The following WWOX variants were observed in gnomAD, a reference collection of about 807,000 sequenced individuals.
The protein encoded by WWOX is WW domain containing oxidoreductase, also known as WW domain-containing oxidoreductase.
In WWOX, 69 loss-of-function variants were observed where a neutral mutation model predicts 46.2. That is an observed-to-expected ratio of 1.49 (90% CI 1.23 to 1.82). WWOX has a LOEUF of 1.82. WWOX is among the 40% of genes most tolerant of loss of function. The probability of loss-of-function intolerance (pLI) is 0.00; values close to 1 mark genes in which losing one functional copy is unlikely to be tolerated. For synonymous variants in WWOX, 359 were observed against 202.6 expected (o/e 1.77, Z -6.56); for missense variants, 919 against 542.6 (o/e 1.69, Z -6.89).
chr16:79,019,064 A>C (rs1234236266), intron 8 of WWOX, among the ~76,000 whole-genome samples: 2 of 145,680 alleles, frequency 1.4e-5, no homozygotes, highest in African/African-American at 5.0e-5. Context: ...AGCTGAGGTA[A>C]GGAGGATCGC....
intron 8 of WWOX, among the ~76,000 whole-genome samples, chr16:78,884,895 A>T (rs71398112): frequency 6.6e-6 from 1 of 152,354 alleles, no homozygotes; most frequent in African/African-American, 2.4e-5. Context: ...AATATAAAGC[A>T]CAATCAATGC....
intron 4 of WWOX, among the ~76,000 whole-genome samples, chr16:78,121,281 C>G (rs1477629814): frequency 6.6e-6 from 1 of 152,164 alleles, no homozygotes; most frequent in Admixed American, 6.5e-5. Flanking sequence ...CTACTATTAT[C>G]TTATGCTAAA....
chr16:78,103,535 G>C (rs1454436686), intron 1 of WWOX, among the ~76,000 whole-genome samples: 2 of 152,058 alleles, frequency 1.3e-5, no homozygotes, highest in South Asian at 2.1e-4. Flanking sequence ...TTCTTTGGGT[G>C]TTAGCTTAGG....
At chr16:78,373,195 C>G (rs1020684935) in intron 5 of WWOX, among the ~76,000 whole-genome samples, 1 of 152,136 alleles carries the variant, frequency 6.6e-6, no homozygotes, top group African/African-American at 2.4e-5. Context: ...GAGCTTCAGA[C>G]TCAATAGGTA....
At chr16:78,685,581 G>A (rs555255993) in intron 8 of WWOX, among the ~76,000 whole-genome samples, 11 of 152,354 alleles carry the variant, frequency 7.2e-5, no homozygotes, top group South Asian at 6.2e-4. Context: ...CAATCTGCCA[G>A]CAGTACGTAC....
intron 5 of WWOX, chr16:78,167,857 C>T (rs1042055566): frequency 6.6e-6 from 1 of 152,146 alleles, no homozygotes; most frequent in African/African-American, 2.4e-5. Context: ...GTCTACTTCC[C>T]TTCAGGTCCT....
intron 8 of WWOX, among the ~76,000 whole-genome samples, chr16:78,479,015 T>C (rs1012934071): frequency 3.3e-5 from 5 of 152,218 alleles, no homozygotes; most frequent in Non-Finnish European, 7.3e-5. Flanking sequence ...CATATTGCCA[T>C]GACTGTAGGA....
At chr16:78,663,254 G>A (rs1257107282) in intron 8 of WWOX, among the ~76,000 whole-genome samples, 1 of 152,066 alleles carries the variant, frequency 6.6e-6, no homozygotes, top group East Asian at 1.9e-4. Context: ...CATACAATAC[G>A]TGGCCAACTG....
At chr16:78,931,618 A>C (rs2151281927) in intron 8 of WWOX, among the ~76,000 whole-genome samples, 1 of 152,226 alleles carries the variant, frequency 6.6e-6, no homozygotes, top group East Asian at 1.9e-4. Flanking sequence ...ATATAAAAGT[A>C]ATTAGGTAAA....
intron 8 of WWOX, among the ~76,000 whole-genome samples, chr16:78,911,990 C>T (rs1051605197): frequency 3.9e-5 from 6 of 152,036 alleles, no homozygotes. Flanking sequence ...GTCTGTGAAC[C>T]TTACCCAGAA....
chr16:78,910,720 C>T (rs1026933854), intron 8 of WWOX, among the ~76,000 whole-genome samples: 2 of 151,846 alleles, frequency 1.3e-5, no homozygotes, highest in South Asian at 4.1e-4. Context: ...TGCAGGGGAA[C>T]TCCCCTTTAT....
chr16:78,637,111 G>A (rs1417880393), intron 8 of WWOX, among the ~76,000 whole-genome samples: 1 of 152,260 alleles, frequency 6.6e-6, no homozygotes, highest in South Asian at 2.1e-4. Flanking sequence ...CCATCACACT[G>A]CCTGCATTTT....
Position 79,032,933 on chromosome 16 carries a change from T to C in WWOX, c.1057-178675T>C, listed in dbSNP as rs969394477. Reference sequence around the variant, plus strand: ...CTCCCTCCTGCCACCCTCCACCCTTTGGTAGGCCCCAGTGTCTTTTGTTCC... The same window carrying C: ...CTCCCTCCTGCCACCCTCCACCCTTCGGTAGGCCCCAGTGTCTTTTGTTCC... On this transcript the variant is annotated intron_variant, in intron 8 of 8. Coordinates refer to ENST00000566780, the MANE Select transcript of WWOX (RefSeq NM_016373.4). Among the ~76,000 whole-genome samples, 28 of 151,544 alleles carry C rather than the reference T, an allele frequency of 1.8e-4. 1 individual carries two copies. The highest frequency in any genetic ancestry group is 6.8e-4 in the African/African-American group (28 of 41,434).
At chr16:78,764,348 T>A (rs1320559628) in intron 8 of WWOX, among the ~76,000 whole-genome samples, 2 of 151,548 alleles carry the variant, frequency 1.3e-5, no homozygotes. Flanking sequence ...CCTAATTCCC[T>A]GTGAGCTTGA....
intron 8 of WWOX, among the ~76,000 whole-genome samples, chr16:78,803,071 A>T (rs2050938184): frequency 6.6e-6 from 1 of 151,294 alleles, no homozygotes; most frequent in Non-Finnish European, 1.5e-5. Context: ...TAGGTGCTTT[A>T]TTTTTAAAAA....
intron 8 of WWOX, among the ~76,000 whole-genome samples, chr16:78,650,858 T>C (rs2046951228): frequency 6.6e-6 from 1 of 152,160 alleles, no homozygotes; most frequent in Non-Finnish European, 1.5e-5. Flanking sequence ...ACAGAATATT[T>C]CGGATTTATA....
chr16:79,101,986 C>T (rs1336419441), intron 8 of WWOX, among the ~76,000 whole-genome samples: 1 of 145,236 alleles, frequency 6.9e-6, no homozygotes, highest in African/African-American at 2.6e-5. Flanking sequence ...ATTCAAGCTG[C>T]ATCATCTTCC....
chr16:78,972,188 T>C (rs1310763771), intron 8 of WWOX, among the ~76,000 whole-genome samples: 4 of 152,160 alleles, frequency 2.6e-5, no homozygotes, highest in Admixed American at 2.0e-4. Context: ...CTGGGCTCCC[T>C]GGCCATCAGC....
chr16:78,634,443 C>T (rs1269060539), intron 8 of WWOX, among the ~76,000 whole-genome samples: 1 of 152,148 alleles, frequency 6.6e-6, no homozygotes, highest in Non-Finnish European at 1.5e-5. Context: ...CGCAGTGGCT[C>T]ATGCCTGTAA....
Sources: allele counts gnomAD v4.1 joint callset (sites outside exome capture counted in the v4.1 genomes callset), GRCh38; gene constraint gnomAD v4.1.1; transcripts MANE v1.5; gene names NCBI Gene and HGNC (gene_info 2026-07-23, HGNC 2026-07-21).